PIGN: variants seen among roughly 807,000 people sequenced by gnomAD.
PIGN encodes the protein phosphatidylinositol glycan anchor biosynthesis class N.
A neutral mutation model predicts 125.4 loss-of-function variants in PIGN; 117 were observed. The observed-to-expected ratio is 0.93, with a 90% confidence interval of 0.80 to 1.09. PIGN has a LOEUF of 1.09. Among genes scored for constraint, PIGN ranks in the 50% least tolerant of loss-of-function variants. The pLI is 0.00. For missense variants in PIGN, 1,075 were observed against 1,094.9 expected, an observed-to-expected ratio of 0.98 and a Z score of 0.26; for synonymous variants, 392 against 377.8, an observed-to-expected ratio of 1.04 and a Z score of -0.44.
At chr18:62,063,670 A>T (rs1437950040) in intron 30 of PIGN, among the ~76,000 whole-genome samples, 2 of 148,868 alleles carry the variant, frequency 1.3e-5, no homozygotes, top group Non-Finnish European at 3.0e-5. Flanking sequence ...CAATTAGGGG[A>T]CTTACAGGTC....
intron 3 of PIGN, among the ~76,000 whole-genome samples, chr18:62,161,765 A>T (rs929133615): frequency 6.6e-6 from 1 of 152,244 alleles, no homozygotes; most frequent in Non-Finnish European, 1.5e-5. Context: ...AAAAGAAAAT[A>T]TAAGTCGTGC....
At chr18:62,028,161 C>A (rs1365074649) in intron 23 of PIGN, among the ~76,000 whole-genome samples, 2 of 152,178 alleles carry the variant, frequency 1.3e-5, no homozygotes, top group African/African-American at 4.8e-5. Context: ...ACAATGACAG[C>A]GGAGATGATA....
At chr18:62,131,931 T>C (rs949642500) in intron 14 of PIGN, among the ~76,000 whole-genome samples, 2 of 152,192 alleles carry the variant, frequency 1.3e-5, no homozygotes, top group African/African-American at 4.8e-5. Flanking sequence ...TTTGATACTA[T>C]GAATTTTCAG....
intron 23 of PIGN, among the ~76,000 whole-genome samples, chr18:62,025,786 G>A (rs533467396): frequency 1.3e-5 from 2 of 152,248 alleles, no homozygotes; most frequent in East Asian, 3.9e-4. Context: ...TCCACCACCT[G>A]TGACTTCTCC....
intron 29 of PIGN, 142 bp downstream of exon 29, chr18:62,074,637 A>G (rs185780653): frequency 3.6e-4 from 192 of 526,394 alleles, no homozygotes; most frequent in Middle Eastern, 3.2e-3. Flanking sequence ...ATAAAAGAAC[A>G]TAATTTATTG....
In PIGN at chr18:62,161,265, T is replaced by C. The variant is rs764530365; in HGVS notation, c.89A>G (p.His30Arg). Residue 30 changes from histidine to arginine, a missense_variant, in exon 4 of 31, where the codon CAT (histidine) becomes CGT (arginine). By Grantham distance (29) the His-to-Arg change is conservative. Transcript: ENST00000640252. ...FDIYFTSPLVHGMTPQFTPLP... is the reference protein window; with the variant it reads ...FDIYFTSPLVRGMTPQFTPLP... ...TGGTGTAAACTGAGGAGTCATTCCA[T>C]GAACCAAAGGAGATGTAAAATAAAT... 4.6e-5 allele frequency: 75 copies of C among 1,613,628 alleles called. No homozygotes were observed. Among genetic ancestry groups the C allele is most frequent in the Non-Finnish European group, 6.4e-5 (75 of 1,179,778 alleles).
intron 1 of PIGN, among the ~76,000 whole-genome samples, 173 bp downstream of exon 1, chr18:62,186,671 G>C (rs549755915): frequency 3.3e-4 from 50 of 152,322 alleles, no homozygotes; most frequent in Middle Eastern, 3.4e-3. Flanking sequence ...GAAAAGAAAG[G>C]AAGTCACATT....
intron 2 of PIGN, among the ~76,000 whole-genome samples, chr18:62,162,683 T>C (rs1022866932): frequency 6.6e-6 from 1 of 152,192 alleles, no homozygotes; most frequent in African/African-American, 2.4e-5. Flanking sequence ...CCTTAGTAAG[T>C]AGATGCTATT....
intron 1 of PIGN, among the ~76,000 whole-genome samples, chr18:62,167,558 C>A (rs186370425): frequency 6.7e-6 from 1 of 148,802 alleles, no homozygotes; most frequent in Non-Finnish European, 1.5e-5. Context: ...CTTGAACCTG[C>A]GAGGCAGAGG....
At chr18:62,057,025 C>T (rs2031783113) in intron 30 of PIGN, among the ~76,000 whole-genome samples, 2 of 152,144 alleles carry the variant, frequency 1.3e-5, no homozygotes, top group African/African-American at 2.4e-5. Context: ...TCACCCCATC[C>T]GTGGAAAAAC....
intron 27 of PIGN, among the ~76,000 whole-genome samples, chr18:62,083,303 A>C (rs1188456986): frequency 6.6e-6 from 1 of 152,150 alleles, no homozygotes; most frequent in Non-Finnish European, 1.5e-5. Context: ...CTATAGTAAA[A>C]TTTATGCTGG....
At chr18:62,128,332 T>C (rs1302214392) in intron 14 of PIGN, among the ~76,000 whole-genome samples, 2 of 152,238 alleles carry the variant, frequency 1.3e-5, no homozygotes, top group Non-Finnish European at 2.9e-5. Context: ...TGAGATTTGC[T>C]TGTGGTAAAA....
chr18:62,086,931 T>C (rs1386736988), intron 25 of PIGN, among the ~76,000 whole-genome samples: 2 of 152,100 alleles, frequency 1.3e-5, no homozygotes, highest in Admixed American at 1.3e-4. Context: ...AGTATGGTGA[T>C]GCCATTAAAT....
At position 62,154,179 on chromosome 18, in the gene PIGN, T is replaced by C. The variant is rs185435232; in HGVS notation, c.549+366A>G. On this transcript the variant is annotated intron_variant, in intron 7 of 30. Transcript: ENST00000640252. ...CATCCACTTTGTTATTATAAATGTATTACATTTGAACAGCATTTTCCCAAA... is the reference window on the plus strand; with the variant it reads ...CATCCACTTTGTTATTATAAATGTACTACATTTGAACAGCATTTTCCCAAA... The C allele has an allele frequency of 1.1e-3, 289 of 268,452 alleles. 4 individuals carry two copies. The East Asian group carries it at 0.014, about 13-fold the overall frequency. 16.6% of individuals were successfully genotyped at this position (268,452 alleles called of 1,614,324 possible).
Position 62,045,696 on chromosome 18 carries a change from T to C in PIGN, c.*160A>G, listed in dbSNP as rs1379677213. 2.3e-5 allele frequency: 14 copies of C among 601,462 alleles called. No individual in the cohort carries two copies. The highest frequency in any genetic ancestry group is 3.3e-5 in the Admixed American group (1 of 30,054). 37.3% of individuals were successfully genotyped at this position (601,462 alleles called of 1,614,324 possible). ...AACCTAGAAAAAAAAAGAAGCTCCT[T>C]TGTTCCAGATAACCTGTCAATTCGG... On this transcript the variant is annotated 3_prime_UTR_variant, in exon 31 of 31. Transcript: ENST00000640252.
At chr18:62,122,467 G>A (rs77474556) in intron 14 of PIGN, among the ~76,000 whole-genome samples, 1 of 151,980 alleles carries the variant, frequency 6.6e-6, no homozygotes, top group Admixed American at 6.6e-5. Context: ...CTTAATGAAT[G>A]CAAATGCCTA....
chr18:62,031,681 G>A (rs1414640692), intron 23 of PIGN, among the ~76,000 whole-genome samples: 2 of 152,090 alleles, frequency 1.3e-5, no homozygotes, highest in African/African-American at 4.8e-5. Flanking sequence ...AAGAAACAGG[G>A]CAAATGATTT....
chr18:62,063,273 T>C (rs1258857578), intron 30 of PIGN, among the ~76,000 whole-genome samples: 2 of 148,534 alleles, frequency 1.3e-5, no homozygotes, highest in African/African-American at 5.0e-5. Context: ...AGCCAAAATC[T>C]ATGGTTTTAT....
intron 15 of PIGN, 23 bp downstream of exon 15, chr18:62,114,538 G>T (rs961751965): frequency 1.5e-6 from 2 of 1,364,798 alleles, no homozygotes; most frequent in Non-Finnish European, 2.0e-6. Context: ...AGCTATTTAT[G>T]TCTATAAGGC....
Sources: allele counts gnomAD v4.1 joint callset (sites outside exome capture counted in the v4.1 genomes callset), GRCh38; gene constraint gnomAD v4.1.1; transcripts MANE v1.5; gene names NCBI Gene and HGNC (gene_info 2026-07-23, HGNC 2026-07-21).